Variants in FAM3B observed in about 807,000 individuals in gnomAD.
FAM3B encodes the protein FAM3 metabolism regulating signaling molecule B.
In FAM3B, 29 loss-of-function variants were observed where a neutral mutation model predicts 28.4. That is an observed-to-expected ratio of 1.02 (90% CI 0.76 to 1.39). The LOEUF (loss-of-function observed/expected upper bound fraction) is 1.39. FAM3B is among the 40% of genes most tolerant of loss of function. FAM3B has a pLI of 0.00. For missense variants in FAM3B, 266 were observed against 293.9 expected (o/e 0.91, Z 0.69); for synonymous variants, 91 against 103.0 (o/e 0.88, Z 0.71).
chr21:41,353,742 G>T (rs1320370011), intron 7 of FAM3B, among the ~76,000 whole-genome samples: 1 of 152,160 alleles, frequency 6.6e-6, no homozygotes, highest in Non-Finnish European at 1.5e-5. Context: ...TTGTGACTTT[G>T]GTTTAAGCAA....
rs112776726 is a variant in FAM3B, at chr21:41,322,965, C to T, written c.62C>T (p.Ala21Val). The part of the protein sequence containing the change: ...VVFVVFASLC[A>V]WYSGYLLAEL... ...TTCGTGGTCTTCGCCTCCTTGTGTG[C>T]CTGGTATTCGGGGTACCTGCTCGCA... The change falls in exon 2 of 8, where the codon GCC (alanine) becomes GTC (valine). Residue 21 changes from alanine to valine, a missense_variant. By Grantham distance (64) the Ala-to-Val change is moderately conservative (BLOSUM62 0). Transcript: ENST00000357985. 1 of 1,613,220 alleles carries T rather than the reference C, an allele frequency of 6.2e-7. No homozygotes were observed. The highest frequency in any genetic ancestry group is 8.5e-7 in the Non-Finnish European group (1 of 1,180,030).
At chr21:41,338,897 C>T (rs1032120445) in intron 3 of FAM3B, among the ~76,000 whole-genome samples, 4 of 152,150 alleles carry the variant, frequency 2.6e-5, no homozygotes, top group Middle Eastern at 6.8e-3. Flanking sequence ...CAGGGGTGTT[C>T]GGGGCCAGAT....
At chr21:41,309,040 C>T (rs62219619) in intron 1 of FAM3B, among the ~76,000 whole-genome samples, 3 of 152,168 alleles carry the variant, frequency 2.0e-5, no homozygotes, top group African/African-American at 7.2e-5. Context: ...TGCAGGGTCT[C>T]AACTTAAGAG....
intron 5 of FAM3B, chr21:41,345,945 T>C: frequency 2.1e-6 from 1 of 470,600 alleles, no homozygotes; most frequent in South Asian, 2.3e-5. Flanking sequence ...AGAAATGTCT[T>C]TTCTTCTGTT....
At chr21:41,311,106 C>T (rs1348653556) in intron 1 of FAM3B, among the ~76,000 whole-genome samples, 3 of 150,840 alleles carry the variant, frequency 2.0e-5, no homozygotes, top group Non-Finnish European at 4.4e-5. Flanking sequence ...ATTTTGCTCT[C>T]AGGACCCCTT....
chr21:41,340,152 C>CTTTTT (rs954999865), intron 3 of FAM3B, among the ~76,000 whole-genome samples: 2 of 127,160 alleles, frequency 1.6e-5, no homozygotes, highest in East Asian at 2.2e-4. Flanking sequence ...CTGAAGTTGT[C>CTTTTT]TTTTTTTTTT....
intron 1 of FAM3B, chr21:41,322,472 A>G: frequency 1.4e-5 from 9 of 661,050 alleles, no homozygotes; most frequent in South Asian, 1.2e-4. Flanking sequence ...TGCTGGTGAT[A>G]TGGAAATCAA....
chr21:41,328,584 C>T (rs2088875602), intron 2 of FAM3B, among the ~76,000 whole-genome samples: 1 of 152,158 alleles, frequency 6.6e-6, no homozygotes, highest in African/African-American at 2.4e-5. Context: ...CTCAGGAGAT[C>T]CATCCGCCTT....
intron 1 of FAM3B, among the ~76,000 whole-genome samples, chr21:41,317,103 G>T (rs550578929): frequency 1.9e-3 from 294 of 152,338 alleles, no homozygotes; most frequent in African/African-American, 6.9e-3. Flanking sequence ...TTTCCAGCAG[G>T]GTTCCCCGAC....
At chr21:41,321,966 C>T (rs2088810787) in intron 1 of FAM3B, among the ~76,000 whole-genome samples, 1 of 152,066 alleles carries the variant, frequency 6.6e-6, no homozygotes, top group Non-Finnish European at 1.5e-5. Flanking sequence ...TGTCTCTCTC[C>T]CTCCTTCCCT....
chr21:41,316,817 C>G lies in FAM3B; in HGVS notation c.-63C>G. On this transcript the variant is annotated 5_prime_UTR_variant, in exon 1 of 8. Transcript: ENST00000357985. ...GCCCCTTGCCTTCCTGACCCAGGGGCTCCGCTGGCTGCGGTCGCCTGGGAG... is the reference window on the plus strand; with the variant it reads ...GCCCCTTGCCTTCCTGACCCAGGGGGTCCGCTGGCTGCGGTCGCCTGGGAG... The G allele has an allele frequency of 7.1e-7, 1 of 1,416,400 alleles. No homozygotes were observed. Among genetic ancestry groups the G allele is most frequent in the African/African-American group, 1.5e-5 (1 of 66,960 alleles). 87.7% of individuals were successfully genotyped at this position (1,416,400 alleles called of 1,614,324 possible).
intron 2 of FAM3B, among the ~76,000 whole-genome samples, chr21:41,334,128 A>G (rs1247836177): frequency 1.3e-5 from 2 of 152,226 alleles, no homozygotes; most frequent in East Asian, 1.9e-4. Flanking sequence ...GAAATGACCT[A>G]AAGTTGGAAA....
intron 2 of FAM3B, among the ~76,000 whole-genome samples, chr21:41,323,696 G>C (rs2088830894): frequency 6.6e-6 from 1 of 152,208 alleles, no homozygotes; most frequent in Non-Finnish European, 1.5e-5. Flanking sequence ...ATACCCTAGT[G>C]AGGGGAGGTG....
chr21:41,347,885 G>A (rs750521463), intron 6 of FAM3B, among the ~76,000 whole-genome samples: 1 of 152,116 alleles, frequency 6.6e-6, no homozygotes, highest in Non-Finnish European at 1.5e-5. Context: ...TGTCTTTGCT[G>A]CAGAATGTCT....
chr21:41,334,980 A>G (rs1182589973), intron 2 of FAM3B, among the ~76,000 whole-genome samples: 1 of 152,220 alleles, frequency 6.6e-6, no homozygotes, highest in African/African-American at 2.4e-5. Context: ...GGAGCTTTTA[A>G]GATTTGATAA....
intron 2 of FAM3B, among the ~76,000 whole-genome samples, chr21:41,338,074 G>A (rs1002971744): frequency 6.6e-6 from 1 of 151,782 alleles, no homozygotes; most frequent in African/African-American, 2.4e-5. Context: ...AAATTACATT[G>A]CCCACCAAGA....
chr21:41,308,535 CTTTTT>C (rs562737882), intron 1 of FAM3B, among the ~76,000 whole-genome samples: 3 of 119,520 alleles, frequency 2.5e-5, no homozygotes, highest in African/African-American at 6.2e-5. Context: ...TTTTTCTTTT[CTTTTT>C]TTTTTTTTTT....
intron 1 of FAM3B, among the ~76,000 whole-genome samples, chr21:41,310,017 CTG>C (rs780795863): frequency 1.1e-4 from 16 of 152,228 alleles, no homozygotes; most frequent in Non-Finnish European, 2.2e-4. Context: ...TCACAGGTCT[CTG>C]GGTTTCTCAT....
chr21:41,316,572 G>A (rs1601346889), upstream of FAM3B, among the ~76,000 whole-genome samples: 1 of 152,200 alleles, frequency 6.6e-6, no homozygotes, highest in Non-Finnish European at 1.5e-5. Flanking sequence ...ACCTTGCTGG[G>A]CTTCTCCGGT....
Sources: allele counts gnomAD v4.1 joint callset (sites outside exome capture counted in the v4.1 genomes callset), GRCh38; gene constraint gnomAD v4.1.1; transcripts MANE v1.5; gene names NCBI Gene and HGNC (gene_info 2026-07-23, HGNC 2026-07-21).